The following SH3PXD2B variants were observed in gnomAD, a reference collection of about 807,000 sequenced individuals.
The protein encoded by SH3PXD2B is SH3 and PX domain-containing protein 2B.
SH3PXD2B carries 37 observed loss-of-function variants against 73.1 expected under a neutral mutation model. The observed-to-expected ratio is 0.51, with a 90% CI of 0.39 to 0.67. The LOEUF is 0.67. Among genes scored for constraint, SH3PXD2B ranks in the 30% least tolerant of loss-of-function variants. The probability of loss-of-function intolerance (pLI) is 0.00; values close to 1 mark genes in which losing one functional copy is unlikely to be tolerated. For missense variants in SH3PXD2B, 1,053 were observed against 1,197.8 expected, an observed-to-expected ratio of 0.88 and a Z score of 1.78; for synonymous variants, 457 against 480.5, an observed-to-expected ratio of 0.95 and a Z score of 0.64.
intron 2 of SH3PXD2B, among the ~76,000 whole-genome samples, chr5:172,411,596 C>T (rs1758698109): frequency 6.6e-6 from 1 of 152,150 alleles, no homozygotes; most frequent in African/African-American, 2.4e-5. Flanking sequence ...ACACTTCATC[C>T]CTGAGCCTGT....
intron 6 of SH3PXD2B, among the ~76,000 whole-genome samples, chr5:172,364,062 A>G (rs1239532120): frequency 1.3e-5 from 2 of 152,172 alleles, no homozygotes; most frequent in Non-Finnish European, 2.9e-5. Context: ...CATGGGATTC[A>G]GGGTGGACAG....
Position 172,354,071 on chromosome 5 carries a change from C to T in SH3PXD2B, c.668-66G>A, listed in dbSNP as rs917836114. 27 of 1,446,240 alleles carry T rather than the reference C, an allele frequency of 1.9e-5. 1 individual carries two copies. The highest frequency in any genetic ancestry group is 1.3e-4 in the South Asian group (11 of 87,580). The allele number at this position is 1,446,240 out of a possible 1,614,324, so 89.6% of individuals were successfully genotyped here. On this transcript the variant is annotated intron_variant, in intron 8 of 12. Coordinates refer to ENST00000311601, the MANE Select transcript of SH3PXD2B (RefSeq NM_001017995.3). ...AAGAGGCTTGGGATGCCGTAATCCCCGTGATGCCCTTGCCCGTCGGAGGGA... is the reference window on the plus strand; with the variant it reads ...AAGAGGCTTGGGATGCCGTAATCCCTGTGATGCCCTTGCCCGTCGGAGGGA...
At chr5:172,383,116 C>T (rs993775294) in intron 4 of SH3PXD2B, among the ~76,000 whole-genome samples, 25 of 152,126 alleles carry the variant, frequency 1.6e-4, no homozygotes, top group African/African-American at 6.0e-4. Context: ...TTATTCAACT[C>T]GTCTACTGGT....
At chr5:172,395,172 G>A (rs1758266977) in intron 3 of SH3PXD2B, among the ~76,000 whole-genome samples, 3 of 152,122 alleles carry the variant, frequency 2.0e-5, no homozygotes, top group Admixed American at 2.0e-4. Flanking sequence ...ATCCCTCATA[G>A]GGGTTAAGAG....
chr5:172,363,323 G>A (rs1757438683), intron 6 of SH3PXD2B, among the ~76,000 whole-genome samples: 1 of 151,978 alleles, frequency 6.6e-6, no homozygotes, highest in Non-Finnish European at 1.5e-5. Context: ...AAAATCACTC[G>A]CCTATTAATC....
rs1372348315 is a variant in SH3PXD2B at position 172,338,904 on chromosome 5, T to G, written c.2201A>C (p.Lys734Thr). 3 of 1,614,014 alleles carry G rather than the reference T, an allele frequency of 1.9e-6. No homozygotes were observed. The highest frequency in any genetic ancestry group is 3.3e-5 in the Admixed American group (2 of 60,030). ...ISCRAPPRPA[K>T]TTDPVSKSVP... ...GCTCTTAGACACAGGATCTGTGGTC[T>G]TGGCTGGCCTCGGAGGGGCTCTGCA... is the stretch of plus-strand genomic sequence containing the variant. Residue 734 changes from lysine (K) to threonine (T), a missense_variant, in exon 13 of 13, where the codon AAG (lysine) becomes ACG (threonine). Lys to Thr is a moderately conservative substitution (Grantham distance 78, BLOSUM62 -1). This residue lies in a region of SH3PXD2B where 587 missense variants were observed against 590.7 expected (regional missense o/e 0.99). Coordinates refer to ENST00000311601, the MANE Select transcript of SH3PXD2B (RefSeq NM_001017995.3). The surrounding 1 kb of genome is among the most constrained non-coding windows in gnomAD (Gnocchi z 5.1).
downstream of SH3PXD2B, among the ~76,000 whole-genome samples, chr5:172,332,936 GTTT>G (rs1283627913): frequency 5.7e-5 from 1 of 17,496 alleles, no homozygotes; most frequent in Non-Finnish European, 1.3e-4. Context: ...ACCGCACAAT[GTTT>G]TTTTTTTTTT....
chr5:172,437,969 T>G (rs150923402), intron 1 of SH3PXD2B, among the ~76,000 whole-genome samples: 59 of 152,288 alleles, frequency 3.9e-4, no homozygotes, highest in African/African-American at 1.4e-3. Flanking sequence ...ATTCATTCAT[T>G]CATTTGGCAT....
chr5:172,454,440 G>A lies in SH3PXD2B; in HGVS notation c.-88C>T. 1.2e-6 allele frequency: 1 copy of A among 816,666 alleles called. No homozygotes were observed. 50.6% of individuals were successfully genotyped at this position (816,666 alleles called of 1,614,324 possible). Reference sequence around the variant, plus strand: ...CTGGGGGCGCGCCGCCGCGGGCAGGGAACCTGGAGCTGAGCGCAATCGCAG... The same window carrying A: ...CTGGGGGCGCGCCGCCGCGGGCAGGAAACCTGGAGCTGAGCGCAATCGCAG... On this transcript the variant is annotated 5_prime_UTR_variant, in exon 1 of 13. Coordinates refer to ENST00000311601, the MANE Select transcript of SH3PXD2B (RefSeq NM_001017995.3).
At chr5:172,360,975 A>T (rs995919316) in intron 7 of SH3PXD2B, among the ~76,000 whole-genome samples, 52 of 152,228 alleles carry the variant, frequency 3.4e-4, no homozygotes, top group African/African-American at 1.2e-3. Flanking sequence ...AACATGGCTC[A>T]CTCGGGCACT....
intron 6 of SH3PXD2B, among the ~76,000 whole-genome samples, chr5:172,368,486 T>TATATATTATATATATATATATAAA (rs1757583505): frequency 1.7e-4 from 2 of 11,788 alleles, no homozygotes; most frequent in Non-Finnish European, 2.5e-4. Context: ...ATATATAAAA[T>TATATATTATATATATATATATAAA]ATATATATAT....
At chr5:172,355,243 A>G (rs1391557622) in intron 8 of SH3PXD2B, among the ~76,000 whole-genome samples, 8 of 152,220 alleles carry the variant, frequency 5.3e-5, no homozygotes. Context: ...GAAAACACAC[A>G]GGGCGTTTAT....
chr5:172,351,247 A>G (rs1394149754), intron 9 of SH3PXD2B, among the ~76,000 whole-genome samples: 2 of 152,180 alleles, frequency 1.3e-5, no homozygotes, highest in African/African-American at 4.8e-5. Context: ...CTCCCAACTC[A>G]GTCTCCTACG....
intron 1 of SH3PXD2B, among the ~76,000 whole-genome samples, chr5:172,431,055 C>T (rs111326096): frequency 3.3e-5 from 5 of 152,176 alleles, no homozygotes; most frequent in Middle Eastern, 3.4e-3. Flanking sequence ...TTAATAGAGA[C>T]GGGGTTTCAC....
intron 5 of SH3PXD2B, among the ~76,000 whole-genome samples, chr5:172,379,597 T>C (rs189260532): frequency 6.6e-6 from 1 of 152,288 alleles, no homozygotes; most frequent in East Asian, 1.9e-4. Flanking sequence ...CTTGATCAAC[T>C]CTTAAGAGAC....
chr5:172,413,721 G>A (rs13436547), intron 2 of SH3PXD2B, among the ~76,000 whole-genome samples: 9,344 of 152,286 alleles, frequency 0.061, 431 homozygotes, highest in African/African-American at 0.13. Flanking sequence ...ATTGCTAACT[G>A]TGTGGAAAAA....
intron 1 of SH3PXD2B, among the ~76,000 whole-genome samples, chr5:172,422,797 G>A (rs926635345): frequency 1.4e-4 from 21 of 152,186 alleles, no homozygotes; most frequent in Admixed American, 4.6e-4. Context: ...CTCACTACCC[G>A]CTCAGTTCAG....
intron 4 of SH3PXD2B, among the ~76,000 whole-genome samples, chr5:172,393,491 T>C (rs1758232981): frequency 6.6e-6 from 1 of 152,230 alleles, no homozygotes; most frequent in Admixed American, 6.5e-5. Context: ...TCGTGTCATC[T>C]GTGAGTCAAG....
chr5:172,382,323 CACAT>C (rs1226544775), intron 4 of SH3PXD2B, among the ~76,000 whole-genome samples, 196 bp from the exon 5 acceptor site: 1 of 152,154 alleles, frequency 6.6e-6, no homozygotes, highest in African/African-American at 2.4e-5. Context: ...CAAACACACA[CACAT>C]ACAAACACAA....
Sources: gnomAD v4.1 joint callset for allele counts (sites outside exome capture counted in the v4.1 genomes callset) on GRCh38, gnomAD v4.1.1 for gene constraint, gnomAD v4.1.1 regional missense constraint, Gnocchi (gnomAD v3.1) non-coding constraint, MANE v1.5 for transcripts, NCBI Gene and HGNC (gene_info 2026-07-23, HGNC 2026-07-21) for gene names.